DOCK10: variants seen among roughly 807,000 people sequenced by gnomAD.
DOCK10 encodes the protein dedicator of cytokinesis 10.
A neutral mutation model predicts 280.1 loss-of-function variants in DOCK10; 145 were observed. The observed-to-expected ratio is 0.52, with a 90% CI of 0.45 to 0.59. The LOEUF is 0.59. Ranked by LOEUF, DOCK10 falls within the 20% of genes least tolerant of loss-of-function variation. The probability of loss-of-function intolerance (pLI) is 0.00; values close to 1 mark genes in which losing one functional copy is unlikely to be tolerated. For synonymous variants in DOCK10, 915 were observed against 942.2 expected, an observed-to-expected ratio of 0.97 and a Z score of 0.53; for missense variants, 2,368 against 2,651.7, an observed-to-expected ratio of 0.89 and a Z score of 2.35.
intron 4 of DOCK10, among the ~76,000 whole-genome samples, chr2:224,888,052 C>T (rs879639363): frequency 6.6e-6 from 1 of 152,154 alleles, no homozygotes; most frequent in Non-Finnish European, 1.5e-5. Context: ...CCCAGCAATT[C>T]CTCCTCTGGG....
At chr2:224,938,774 G>A (rs780104273) in intron 1 of DOCK10, among the ~76,000 whole-genome samples, 3 of 152,170 alleles carry the variant, frequency 2.0e-5, no homozygotes, top group Non-Finnish European at 2.9e-5. Context: ...CCATACAGCT[G>A]GATGCACGGC....
chr2:224,973,199 T>C (rs1272243103), intron 1 of DOCK10, among the ~76,000 whole-genome samples: 1 of 152,192 alleles, frequency 6.6e-6, no homozygotes, highest in Non-Finnish European at 1.5e-5. Context: ...ATTCACTCAG[T>C]GAATCCTTAA....
chr2:224,810,469 T>A (rs984016428), intron 31 of DOCK10, among the ~76,000 whole-genome samples: 2 of 147,580 alleles, frequency 1.4e-5, no homozygotes. Context: ...TTGAAATCTA[T>A]TTTTTTCTTT....
At chr2:224,863,439 T>C (rs1697657548) in intron 13 of DOCK10, among the ~76,000 whole-genome samples, 1 of 152,160 alleles carries the variant, frequency 6.6e-6, no homozygotes, top group African/African-American at 2.4e-5. Flanking sequence ...TATAGACTTT[T>C]AATATTTCTT....
chr2:224,874,169 G>A lies in DOCK10; in HGVS notation c.1102-18C>T, dbSNP rs957803819. On this transcript the variant is annotated intron_variant, in intron 10 of 55. Transcript: ENST00000258390. ...TTCAAGGTCTAAAAAAGTTTTGAAT[G>A]AGTCACCAAACATCCAACATAAAAA... The A allele has an allele frequency of 6.3e-7, 1 of 1,580,496 alleles. No individual in the cohort carries two copies. The highest frequency in any genetic ancestry group is 1.2e-5 in the South Asian group (1 of 85,572).
intron 24 of DOCK10, among the ~76,000 whole-genome samples, chr2:224,838,783 T>C (rs148528117): frequency 1.1e-3 from 166 of 152,332 alleles, no homozygotes; most frequent in Middle Eastern, 3.4e-3. Flanking sequence ...AATTTAATAA[T>C]TAATTCAAAG....
intron 1 of DOCK10, among the ~76,000 whole-genome samples, chr2:225,035,559 T>TATATATA (rs1553634891): frequency 2.1e-5 from 1 of 46,946 alleles, no homozygotes; most frequent in Non-Finnish European, 5.0e-5. Flanking sequence ...TATATATATA[T>TATATATA]ATATATATAT....
chr2:224,965,191 C>T (rs919086770), intron 1 of DOCK10, among the ~76,000 whole-genome samples: 3 of 152,146 alleles, frequency 2.0e-5, no homozygotes, highest in Admixed American at 1.3e-4. Flanking sequence ...ATGTATTGAA[C>T]AAATAGCTTA....
chr2:224,815,849 A>G (rs923945884), intron 30 of DOCK10, among the ~76,000 whole-genome samples: 1 of 152,174 alleles, frequency 6.6e-6, no homozygotes, highest in African/African-American at 2.4e-5. Flanking sequence ...CAGCCTGGCC[A>G]ACATGGTGAA....
At chr2:224,916,521 A>G (rs1287877256) in intron 3 of DOCK10, among the ~76,000 whole-genome samples, 174 bp downstream of exon 3, 1 of 141,410 alleles carries the variant, frequency 7.1e-6, no homozygotes, top group Non-Finnish European at 1.5e-5. Context: ...AGCCTGGGTG[A>G]CAGAGTGACA....
Position 224,988,326 on chromosome 2 carries a change from G to A in DOCK10, c.123+53926C>T, listed in dbSNP as rs117990571. Among the ~76,000 whole-genome samples the A allele has an allele frequency of 7.9e-4, 121 of 152,266 alleles. 1 individual carries two copies. The East Asian group carries it at 0.02, about 25-fold the overall frequency. ...TAAGACACAGGATTGTGCTTACCTT[G>A]TTTGCTATATATCCAGCACCCACCT... On this transcript the variant is annotated intron_variant, in intron 1 of 55. Coordinates refer to ENST00000258390, the MANE Select transcript of DOCK10 (RefSeq NM_014689.3).
rs371424798 is a variant in DOCK10 at position 224,987,282 on chromosome 2, T to C, written c.123+54970A>G. ...GATCACATTGATTAATAACTAAAAATGAAGTATTTAGGAACAATTTACAGG... is the reference window on the plus strand; with the variant it reads ...GATCACATTGATTAATAACTAAAAACGAAGTATTTAGGAACAATTTACAGG... On this transcript the variant is annotated intron_variant, in intron 1 of 55. Transcript: ENST00000258390. Among the ~76,000 whole-genome samples the C allele has an allele frequency of 2.3e-3, 352 of 152,312 alleles. 1 individual carries two copies. The highest frequency in any genetic ancestry group is 7.7e-3 in the African/African-American group (319 of 41,566).
At chr2:224,871,424 G>A (rs1365612820) in intron 11 of DOCK10, among the ~76,000 whole-genome samples, 1 of 152,054 alleles carries the variant, frequency 6.6e-6, no homozygotes, top group African/African-American at 2.4e-5. Flanking sequence ...TCCCTTGCCA[G>A]CCCTTGTTCA....
chr2:224,804,745 T>C lies in DOCK10; in HGVS notation c.4166+49A>G, dbSNP rs374296847. ...TAACCTGACACATTAATACATGTCATATGCTTTTTAAAAGACCAGATTAAC... is the reference window on the plus strand; with the variant it reads ...TAACCTGACACATTAATACATGTCACATGCTTTTTAAAAGACCAGATTAAC... On this transcript the variant is annotated intron_variant, in intron 38 of 55. Coordinates refer to ENST00000258390, the MANE Select transcript of DOCK10 (RefSeq NM_014689.3). 85 of 1,214,596 alleles carry C rather than the reference T, an allele frequency of 7.0e-5. No homozygotes were observed. The African/African-American group carries it at 1.1e-3, about 15-fold the overall frequency. 75.2% of individuals were successfully genotyped at this position (1,214,596 alleles called of 1,614,324 possible).
intron 1 of DOCK10, among the ~76,000 whole-genome samples, chr2:224,944,047 G>A (rs888196242): frequency 5.9e-5 from 9 of 152,200 alleles, no homozygotes; most frequent in African/African-American, 1.9e-4. Flanking sequence ...ACAGGCATAA[G>A]CCATCATGCC....
intron 2 of DOCK10, among the ~76,000 whole-genome samples, chr2:224,928,283 G>A (rs939898645): frequency 5.9e-5 from 9 of 151,636 alleles, no homozygotes; most frequent in Non-Finnish European, 8.8e-5. Context: ...AATCTTTTCC[G>A]GCTGAATGTC....
intron 1 of DOCK10, among the ~76,000 whole-genome samples, chr2:225,007,701 T>C (rs1379683840): frequency 6.6e-6 from 1 of 152,148 alleles, no homozygotes; most frequent in Admixed American, 6.5e-5. Context: ...AAATATTGTG[T>C]TTAATTCTTG....
At chr2:224,999,892 G>C (rs774641894) in intron 1 of DOCK10, among the ~76,000 whole-genome samples, 18 of 152,088 alleles carry the variant, frequency 1.2e-4, no homozygotes, top group Non-Finnish European at 2.1e-4. Context: ...CCAAGAGCTT[G>C]GAAAAGCTCA....
chr2:224,857,441 C>T (rs1697220943), intron 14 of DOCK10, among the ~76,000 whole-genome samples: 1 of 152,132 alleles, frequency 6.6e-6, no homozygotes, highest in South Asian at 2.1e-4. Context: ...ATACTCTTGA[C>T]ACATTTTCAT....
Sources: allele counts gnomAD v4.1 joint callset (sites outside exome capture counted in the v4.1 genomes callset), GRCh38; gene constraint gnomAD v4.1.1; transcripts MANE v1.5; gene names NCBI Gene and HGNC (gene_info 2026-07-23, HGNC 2026-07-21).